Variants in ARHGEF3 observed in about 807,000 individuals in gnomAD.
ARHGEF3 encodes 59.8 kDA protein.
In ARHGEF3, 28 loss-of-function variants were observed where a neutral mutation model predicts 63.2. That is an observed-to-expected ratio of 0.44 (90% CI 0.33 to 0.61). The LOEUF (loss-of-function observed/expected upper bound fraction) is 0.61, where lower values mean the gene tolerates loss of function less well. Ranked by LOEUF, ARHGEF3 falls within the 20% of genes least tolerant of loss-of-function variation. ARHGEF3 has a pLI of 0.03. For synonymous variants in ARHGEF3, 266 were observed against 254.2 expected, an observed-to-expected ratio of 1.05 and a Z score of -0.44; for missense variants, 533 against 659.3, an observed-to-expected ratio of 0.81 and a Z score of 2.10.
chr3:56,848,707 T>C (rs4681915), intron 4 of ARHGEF3, among the ~76,000 whole-genome samples: 148,755 of 152,304 alleles, frequency 0.98, 72,749 homozygotes, highest in East Asian at 1. Context: ...GCTCTTGTTG[T>C]CCAGGCTAGA....
intron 1 of ARHGEF3, among the ~76,000 whole-genome samples, chr3:56,778,872 A>G (rs1027537057): frequency 6.6e-6 from 1 of 152,196 alleles, no homozygotes; most frequent in Non-Finnish European, 1.5e-5. Context: ...TTCAATCATT[A>G]TAACATGTAG....
chr3:56,771,872 G>C (rs1231636875), intron 2 of ARHGEF3, among the ~76,000 whole-genome samples: 3 of 152,176 alleles, frequency 2.0e-5, no homozygotes, highest in African/African-American at 7.2e-5. Flanking sequence ...AGAGGAAAGG[G>C]TGAAATGCAG....
chr3:56,915,254 G>C (rs969567800), intron 3 of ARHGEF3, among the ~76,000 whole-genome samples: 1 of 151,990 alleles, frequency 6.6e-6, no homozygotes. Context: ...CTTGAGCTCA[G>C]AGTTTAAGAT....
intron 7 of ARHGEF3, among the ~76,000 whole-genome samples, chr3:56,739,512 C>T (rs557888607): frequency 7.9e-5 from 12 of 151,308 alleles, no homozygotes; most frequent in Admixed American, 5.3e-4. Context: ...GTGATCCTCC[C>T]ACCTCAGCCT....
chr3:56,753,288 G>C (rs1027777509), intron 4 of ARHGEF3, among the ~76,000 whole-genome samples: 1 of 152,176 alleles, frequency 6.6e-6, no homozygotes, highest in Non-Finnish European at 1.5e-5. Context: ...TCTTTGACAT[G>C]CATTAGAGAC....
intron 2 of ARHGEF3, among the ~76,000 whole-genome samples, chr3:56,758,097 G>A (rs1224516589): frequency 6.6e-6 from 1 of 151,500 alleles, no homozygotes; most frequent in Non-Finnish European, 1.5e-5. Context: ...GAACAACATG[G>A]TGAAACCCTG....
chr3:56,889,146 C>T (rs1443465372), intron 3 of ARHGEF3, among the ~76,000 whole-genome samples: 2 of 152,060 alleles, frequency 1.3e-5, no homozygotes, highest in African/African-American at 4.8e-5. Flanking sequence ...TTCCAGGACA[C>T]TCTGTGGCTA....
chr3:56,783,578 G>A (rs1427875833), intron 1 of ARHGEF3, among the ~76,000 whole-genome samples: 1 of 152,130 alleles, frequency 6.6e-6, no homozygotes, highest in Non-Finnish European at 1.5e-5. Context: ...CATTTTTGCT[G>A]AGTGAAGGTT....
intron 3 of ARHGEF3, among the ~76,000 whole-genome samples, chr3:56,896,875 A>C (rs2041321254): frequency 6.6e-6 from 1 of 152,206 alleles, no homozygotes; most frequent in South Asian, 2.1e-4. Flanking sequence ...GGTTTGGCCC[A>C]ATATTGGTGA....
chr3:56,775,019 A>G, intron 1 of ARHGEF3: 1 of 1,547,282 alleles, frequency 6.5e-7, no homozygotes. Context: ...CCTAAGCTCC[A>G]TCTGACCTGT....
At chr3:56,935,257 A>C (rs1297497276) in intron 3 of ARHGEF3, among the ~76,000 whole-genome samples, 1 of 152,092 alleles carries the variant, frequency 6.6e-6, no homozygotes, top group Admixed American at 6.5e-5. Context: ...TCTGTATCTA[A>C]CTAATCTGAT....
intron 3 of ARHGEF3, among the ~76,000 whole-genome samples, chr3:56,934,667 G>A (rs887904183): frequency 1.3e-5 from 2 of 152,348 alleles, no homozygotes; most frequent in African/African-American, 2.4e-5. Context: ...CCAGCGCTGC[G>A]CTCGATTTCT....
intron 1 of ARHGEF3, among the ~76,000 whole-genome samples, chr3:56,786,020 T>C (rs1460539898): frequency 6.6e-6 from 1 of 152,220 alleles, no homozygotes; most frequent in Non-Finnish European, 1.5e-5. Context: ...GCTCCCTGGT[T>C]AACTCCCAGC....
intron 4 of ARHGEF3, among the ~76,000 whole-genome samples, chr3:56,826,600 G>C (rs1476903178): frequency 6.6e-6 from 1 of 152,204 alleles, no homozygotes; most frequent in African/African-American, 2.4e-5. Flanking sequence ...ATGTTTCACA[G>C]GTTAGGTTTT....
chr3:56,875,710 T>A (rs568795426), intron 4 of ARHGEF3, among the ~76,000 whole-genome samples: 1 of 152,362 alleles, frequency 6.6e-6, no homozygotes, highest in Admixed American at 6.5e-5. Flanking sequence ...CATTTATCTG[T>A]CCCTTTCTTT....
intron 2 of ARHGEF3, among the ~76,000 whole-genome samples, chr3:56,992,943 C>T (rs1280764769): frequency 3.3e-5 from 5 of 152,186 alleles, no homozygotes; most frequent in African/African-American, 7.2e-5. Context: ...AAGCGATTCT[C>T]CTGCCTCAGC....
At chr3:56,967,614 A>C (rs1452282111) in intron 2 of ARHGEF3, among the ~76,000 whole-genome samples, 1 of 89,846 alleles carries the variant, frequency 1.1e-5, no homozygotes, top group East Asian at 3.4e-4. Flanking sequence ...TATATGTTAC[A>C]TAATATATAT....
chr3:56,853,032 C>A (rs1477904089), intron 4 of ARHGEF3, among the ~76,000 whole-genome samples: 1 of 152,192 alleles, frequency 6.6e-6, no homozygotes, highest in African/African-American at 2.4e-5. Flanking sequence ...GAAAACAAGA[C>A]CTCCCAAGAA....
chr3:56,789,953 A>C (rs1026441427), intron 1 of ARHGEF3, among the ~76,000 whole-genome samples: 1 of 152,212 alleles, frequency 6.6e-6, no homozygotes, highest in East Asian at 1.9e-4. Flanking sequence ...TTAAAAGGGA[A>C]AGTGATTAAA....
Sources: gnomAD v4.1 joint callset for allele counts (sites outside exome capture counted in the v4.1 genomes callset) on GRCh38, gnomAD v4.1.1 for gene constraint, MANE v1.5 for transcripts, NCBI Gene and HGNC (gene_info 2026-07-23, HGNC 2026-07-21) for gene names.